The following CNOT2 variants were observed in gnomAD, a reference collection of about 807,000 sequenced individuals.
The protein encoded by CNOT2 is CCR4-NOT transcription complex subunit 2.
A neutral mutation model predicts 72.1 loss-of-function variants in CNOT2; 7 were observed. The observed-to-expected ratio is 0.10, with a 90% CI of 0.06 to 0.18. The LOEUF is 0.18. CNOT2 is among the 10% of genes least tolerant of loss of function. CNOT2 has a pLI of 1.00. For synonymous variants in CNOT2, 196 were observed against 225.6 expected (o/e 0.87, Z 1.17); for missense variants, 345 against 660.3 (o/e 0.52, Z 5.23).
intron 2 of CNOT2, among the ~76,000 whole-genome samples, chr12:70,284,457 G>A (rs1317302334): frequency 3.3e-5 from 5 of 151,834 alleles, no homozygotes; most frequent in African/African-American, 4.8e-5. Context: ...TGTTGGCCAC[G>A]CTAGTCTCAA....
intron 2 of CNOT2, among the ~76,000 whole-genome samples, chr12:70,292,396 G>A (rs1872078442): frequency 6.6e-6 from 1 of 152,298 alleles, no homozygotes; most frequent in African/African-American, 2.4e-5. Flanking sequence ...CTAAATGTAA[G>A]GGGTGGGGGA....
chr12:70,267,471 A>T (rs1959103820), intron 1 of CNOT2, among the ~76,000 whole-genome samples: 1 of 152,236 alleles, frequency 6.6e-6, no homozygotes, highest in Middle Eastern at 3.2e-3. Flanking sequence ...TCATAAATCC[A>T]GTATGACTTC....
At chr12:70,337,273 A>G in intron 8 of CNOT2, 116 bp from the exon 9 acceptor site, 1 of 748,576 alleles carries the variant, frequency 1.3e-6, no homozygotes, top group Non-Finnish European at 2.1e-6. Context: ...ACGCTTTCAT[A>G]GCATTAAAAA....
At chr12:70,294,301 A>T (rs771635484) in intron 2 of CNOT2, 91 of 1,289,220 alleles carry the variant, frequency 7.1e-5, no homozygotes, top group Non-Finnish European at 8.9e-5. Flanking sequence ...ACAGGTAAGT[A>T]TGTGGTGGGG....
chr12:70,353,912 CTA>C lies in CNOT2; in HGVS notation c.1621_1622del (p.Ter541LysfsTer37). The C allele has an allele frequency of 4.4e-6, 4 of 915,756 alleles. No homozygotes were observed. The highest frequency in any genetic ancestry group is 2.6e-5 in the South Asian group (1 of 38,306). 56.7% of individuals were successfully genotyped at this position (915,756 alleles called of 1,614,324 possible). A position where few individuals can be genotyped will look rare whatever the true frequency, so the allele number is the denominator to read the frequency against. On this transcript the variant is annotated frameshift_variant and stop_lost, in exon 16 of 16. Transcript: ENST00000229195. LOFTEE classifies it high-confidence loss of function. ...ACTACAACCCTGCTCAGCAAGCCTT[CTA>C]AAAAAAAAAAAAAAAAAAAAAAAAG... ...FNYNPAQQAF[*>X]
intron 1 of CNOT2, among the ~76,000 whole-genome samples, chr12:70,267,409 A>C (rs985599640): frequency 6.6e-6 from 1 of 152,104 alleles, no homozygotes; most frequent in Non-Finnish European, 1.5e-5. Context: ...GTGTTTCTGT[A>C]CTTAATCGCT....
intron 4 of CNOT2, among the ~76,000 whole-genome samples, chr12:70,320,882 A>G (rs1878180996): frequency 1.3e-5 from 2 of 151,856 alleles, no homozygotes; most frequent in South Asian, 4.1e-4. Flanking sequence ...TTCTGGTCTA[A>G]TTTTTTTAGC....
At chr12:70,291,937 A>T (rs1042684831) in intron 2 of CNOT2, among the ~76,000 whole-genome samples, 4 of 152,190 alleles carry the variant, frequency 2.6e-5, no homozygotes, top group African/African-American at 9.7e-5. Flanking sequence ...ACTCCGTCTC[A>T]AAAAAACAAA....
chr12:70,350,058 A>G (rs373520674), intron 15 of CNOT2, among the ~76,000 whole-genome samples: 4 of 151,798 alleles, frequency 2.6e-5, no homozygotes, highest in African/African-American at 9.7e-5. Context: ...TTATATACTC[A>G]TTAACTTTTT....
intron 2 of CNOT2, among the ~76,000 whole-genome samples, chr12:70,306,435 G>A (rs916604723): frequency 6.6e-6 from 1 of 152,128 alleles, no homozygotes; most frequent in African/African-American, 2.4e-5. Flanking sequence ...GGCATTGTAG[G>A]CATGAGCCAC....
At chr12:70,294,184 A>G in intron 2 of CNOT2, 1 of 1,289,336 alleles carries the variant, frequency 7.8e-7, no homozygotes. Context: ...GGGAGCTCCT[A>G]GGGTGGGGCT....
At chr12:70,299,067 A>G (rs1256655184) in intron 2 of CNOT2, among the ~76,000 whole-genome samples, 2 of 152,082 alleles carry the variant, frequency 1.3e-5, no homozygotes, top group Non-Finnish European at 2.9e-5. Context: ...TAAGGGAAAG[A>G]GGTTTAATTG....
At chr12:70,327,232 C>G (rs954023449) in intron 4 of CNOT2, among the ~76,000 whole-genome samples, 1 of 150,702 alleles carries the variant, frequency 6.6e-6, no homozygotes, top group African/African-American at 2.4e-5. Flanking sequence ...AAAAGTAGAA[C>G]AAGAAGAAAG....
At chr12:70,269,553 G>A (rs1175126466) in intron 1 of CNOT2, among the ~76,000 whole-genome samples, 1 of 152,074 alleles carries the variant, frequency 6.6e-6, no homozygotes, top group Admixed American at 6.5e-5. Flanking sequence ...ATATCAACAC[G>A]AAGTCTACTG....
chr12:70,256,951 C>T (rs1317463519), intron 1 of CNOT2, among the ~76,000 whole-genome samples: 2 of 152,082 alleles, frequency 1.3e-5, no homozygotes, highest in African/African-American at 4.8e-5. Flanking sequence ...AAGCATTTTC[C>T]AGTGTCATAT....
intron 2 of CNOT2, among the ~76,000 whole-genome samples, chr12:70,288,136 CTTTTTTTT>C (rs68143994): frequency 4.6e-5 from 4 of 86,702 alleles, no homozygotes; most frequent in Admixed American, 1.5e-4. Context: ...TGGTGTAGCT[CTTTTTTTT>C]TTTTTTTTTT....
chr12:70,257,701 C>T (rs1174431617), intron 1 of CNOT2, among the ~76,000 whole-genome samples: 1 of 152,066 alleles, frequency 6.6e-6, no homozygotes, highest in Non-Finnish European at 1.5e-5. Flanking sequence ...CTCTTCTTCC[C>T]TAGCATCTAT....
At chr12:70,278,301 T>C (rs377163945) in intron 2 of CNOT2, 27 bp downstream of exon 2, 501 of 1,518,118 alleles carry the variant, frequency 3.3e-4, no homozygotes, top group Non-Finnish European at 4.4e-4. Context: ...TTCTTTTTTC[T>C]CTATTGGTCT....
intron 8 of CNOT2, chr12:70,336,127 A>G (rs902379161): frequency 2.0e-5 from 3 of 152,350 alleles, no homozygotes; most frequent in African/African-American, 7.2e-5. Flanking sequence ...TCTAACCCCC[A>G]TAGCCTCTAT....
Sources: allele counts gnomAD v4.1 joint callset (sites outside exome capture counted in the v4.1 genomes callset), GRCh38; gene constraint gnomAD v4.1.1; transcripts MANE v1.5; gene names NCBI Gene and HGNC (gene_info 2026-07-23, HGNC 2026-07-21).